Variants in GABRA5 observed in about 807,000 individuals in gnomAD.
GABRA5 encodes the protein gamma-aminobutyric acid type A receptor subunit alpha5, also known as gamma-aminobutyric acid receptor subunit alpha-5.
In GABRA5, 18 loss-of-function variants were observed where a neutral mutation model predicts 47.3. That is an observed-to-expected ratio of 0.38 (90% CI 0.26 to 0.56). GABRA5 has a LOEUF of 0.56. Ranked by LOEUF, GABRA5 falls within the 20% of genes least tolerant of loss-of-function variation. The pLI, the probability that GABRA5 is intolerant of heterozygous loss-of-function variation, is 0.71. For missense variants in GABRA5, 365 were observed against 599.3 expected, an observed-to-expected ratio of 0.61 and a Z score of 4.08; for synonymous variants, 237 against 229.3, an observed-to-expected ratio of 1.03 and a Z score of -0.30.
intron 7 of GABRA5, among the ~76,000 whole-genome samples, chr15:26,925,879 G>T (rs1893949647): frequency 6.6e-6 from 1 of 152,198 alleles, no homozygotes; most frequent in Non-Finnish European, 1.5e-5. Context: ...AACACAGGTG[G>T]TTCTCGCGCT....
At chr15:26,872,318 G>A (rs1892492523) in intron 3 of GABRA5, among the ~76,000 whole-genome samples, 1 of 152,174 alleles carries the variant, frequency 6.6e-6, no homozygotes. Context: ...AGCACCGTTA[G>A]CCCATCTTCT....
intron 10 of GABRA5, among the ~76,000 whole-genome samples, chr15:26,946,684 C>T (rs190711040): frequency 9.2e-5 from 14 of 152,186 alleles, no homozygotes; most frequent in African/African-American, 2.6e-4. Context: ...CCAGAAAGCT[C>T]ACCATGCCTC....
intron 7 of GABRA5, among the ~76,000 whole-genome samples, chr15:26,924,445 C>T (rs1945483772): frequency 6.6e-6 from 1 of 152,154 alleles, no homozygotes; most frequent in East Asian, 1.9e-4. Context: ...AAGTTTGGAA[C>T]ATCTACTAAT....
intron 6 of GABRA5, among the ~76,000 whole-genome samples, chr15:26,893,489 G>A (rs947446103): frequency 2.2e-5 from 3 of 139,388 alleles, no homozygotes; most frequent in South Asian, 2.4e-4. Flanking sequence ...AGCAGGGCAC[G>A]GCCTGGGCCT....
intron 10 of GABRA5, among the ~76,000 whole-genome samples, chr15:26,944,577 T>TG (rs1359371406): frequency 6.6e-6 from 1 of 152,096 alleles, no homozygotes; most frequent in Non-Finnish European, 1.5e-5. Flanking sequence ...CTGACTGCAC[T>TG]GGGTGATAGG....
chr15:26,875,279 C>G (rs73363977), intron 3 of GABRA5, among the ~76,000 whole-genome samples: 2,905 of 152,270 alleles, frequency 0.019, 83 homozygotes, highest in African/African-American at 0.065. Flanking sequence ...CATTGCCTTG[C>G]CCACATCTGC....
At chr15:26,895,770 G>A (rs1476788478) in intron 6 of GABRA5, among the ~76,000 whole-genome samples, 2 of 146,346 alleles carry the variant, frequency 1.4e-5, no homozygotes, top group Non-Finnish European at 3.0e-5. Flanking sequence ...CCAAGATGGC[G>A]CCACCGCACA....
At chr15:26,947,879 G>A (rs1894549284) in intron 10 of GABRA5, 55 bp from the exon 11 acceptor site, 2 of 1,471,414 alleles carry the variant, frequency 1.4e-6, no homozygotes, top group Admixed American at 2.1e-5. Context: ...ACTCCAAGGT[G>A]AGCTGACCAT....
rs1894339056 is a variant in GABRA5 at position 26,939,670 on chromosome 15, A to G, written c.725-255A>G. ...GATTGTGACTGGAGATTAGTAAAAC[A>G]CACAAATCTGATTTTCCCCAGGAAG... On this transcript the variant is annotated intron_variant, in intron 8 of 10. Coordinates refer to ENST00000335625, the MANE Select transcript of GABRA5 (RefSeq NM_000810.4). The G allele has an allele frequency of 1.7e-5, 10 of 596,398 alleles. No homozygotes were observed. In the South Asian group the frequency reaches 1.8e-4, roughly 11 times the overall value. 36.9% of individuals were successfully genotyped at this position (596,398 alleles called of 1,614,324 possible).
chr15:26,891,593 C>T (rs1404359887), intron 6 of GABRA5, among the ~76,000 whole-genome samples: 1 of 152,190 alleles, frequency 6.6e-6, no homozygotes, highest in Non-Finnish European at 1.5e-5. Flanking sequence ...CATTCTAGAG[C>T]TTGGTTAAAG....
At position 26,867,661 on chromosome 15, in the gene GABRA5, T is replaced by C. The variant is rs1345687333; in HGVS notation, c.-140+550T>C. 1.3e-5 allele frequency among the ~76,000 whole-genome samples: 2 copies of C among 151,376 alleles called. No homozygotes were observed. Among genetic ancestry groups the C allele is most frequent in the Non-Finnish European group, 2.9e-5 (2 of 67,826 alleles). ...CGGGGCACCAGGGCGCGGTGACCGG[T>C]TGGGGGTGGGGGACACCCGTTGCCA... is the stretch of plus-strand genomic sequence containing the variant. On this transcript the variant is annotated intron_variant, in intron 1 of 10. Coordinates refer to ENST00000335625, the MANE Select transcript of GABRA5 (RefSeq NM_000810.4). The surrounding 1 kb of genome is among the most constrained non-coding windows in gnomAD (Gnocchi z 5.9).
chr15:26,884,083 G>T (rs1892814514), intron 6 of GABRA5, among the ~76,000 whole-genome samples: 1 of 151,998 alleles, frequency 6.6e-6, no homozygotes, highest in Non-Finnish European at 1.5e-5. Context: ...TAACTACTTG[G>T]CAGGCTGAGG....
intron 3 of GABRA5, among the ~76,000 whole-genome samples, chr15:26,877,210 A>G (rs999941288): frequency 1.3e-5 from 2 of 152,122 alleles, no homozygotes; most frequent in African/African-American, 4.8e-5. Flanking sequence ...CCACCTTAAG[A>G]GGGGAAAGCT....
chr15:26,937,304 A>G lies in GABRA5; in HGVS notation c.700A>G (p.Thr234Ala). 2 of 1,612,968 alleles carry G rather than the reference A, an allele frequency of 1.2e-6. No homozygotes were observed. The highest frequency in any genetic ancestry group is 8.5e-7 in the Non-Finnish European group (1 of 1,179,342). Reference protein sequence around the residue: ...QYHLMGQTVGTENISTSTGEY... With the variant: ...QYHLMGQTVGAENISTSTGEY... ...CCACCTGATGGGGCAGACGGTGGGC[A>G]CTGAGAACATCAGCACCAGCACAGG... Residue 234 changes from threonine (T) to alanine (A), a missense_variant, in exon 8 of 11, where the codon ACT becomes GCT. Thr to Ala is a moderately conservative substitution (Grantham distance 58, BLOSUM62 0). Transcript: ENST00000335625.
At chr15:26,893,276 T>TGG (rs1893065324) in intron 6 of GABRA5, among the ~76,000 whole-genome samples, 2 of 47,724 alleles carry the variant, frequency 4.2e-5, no homozygotes, top group South Asian at 7.4e-4. Flanking sequence ...ATGGTGTGTG[T>TGG]GTATGGCATA....
intron 6 of GABRA5, among the ~76,000 whole-genome samples, chr15:26,911,045 C>G (rs1416604591): frequency 6.6e-6 from 1 of 151,970 alleles, no homozygotes; most frequent in Non-Finnish European, 1.5e-5. Context: ...TTAGAGGGAT[C>G]GAAAATTTAA....
intron 4 of GABRA5, among the ~76,000 whole-genome samples, chr15:26,881,703 T>A (rs1892732423): frequency 1.3e-5 from 2 of 148,786 alleles, no homozygotes; most frequent in South Asian, 2.1e-4. Context: ...AGTGTTTGCA[T>A]TTTTTTTTTA....
At chr15:26,933,162 C>A (rs1043750561) in intron 7 of GABRA5, among the ~76,000 whole-genome samples, 1 of 150,868 alleles carries the variant, frequency 6.6e-6, no homozygotes, top group Non-Finnish European at 1.5e-5. Context: ...GAAGAACATG[C>A]AAAAATCACT....
intron 3 of GABRA5, among the ~76,000 whole-genome samples, chr15:26,874,129 A>G (rs780181635): frequency 1.3e-5 from 2 of 152,166 alleles, no homozygotes; most frequent in Non-Finnish European, 2.9e-5. Context: ...TCGGGTTTTT[A>G]CAAAGGTTCA....
Sources: allele counts gnomAD v4.1 joint callset (sites outside exome capture counted in the v4.1 genomes callset), GRCh38; gene constraint gnomAD v4.1.1; non-coding constraint Gnocchi (gnomAD v3.1); transcripts MANE v1.5; gene names NCBI Gene and HGNC (gene_info 2026-07-23, HGNC 2026-07-21).